The following CRIM1 variants were observed in gnomAD, a reference collection of about 807,000 sequenced individuals.
The protein encoded by CRIM1 is cysteine rich transmembrane BMP regulator 1.
CRIM1 carries 32 observed loss-of-function variants against 116.4 expected under a neutral mutation model. That is an observed-to-expected ratio of 0.27 (90% CI 0.21 to 0.37). The LOEUF is 0.37. Among genes scored for constraint, CRIM1 ranks in the 10% least tolerant of loss-of-function variants. The probability of loss-of-function intolerance (pLI) is 1.00; values close to 1 mark genes in which losing one functional copy is unlikely to be tolerated. For missense variants in CRIM1, 1,331 were observed against 1,354.8 expected (o/e 0.98, Z 0.28); for synonymous variants, 590 against 509.2 (o/e 1.16, Z -2.13).
intron 2 of CRIM1, among the ~76,000 whole-genome samples, chr2:36,424,806 ACTG>A: frequency 6.6e-6 from 1 of 152,140 alleles, no homozygotes. Flanking sequence ...TCTCACTTAC[ACTG>A]ATTTGATCTT....
chr2:36,548,171 C>G (rs942825336), intron 16 of CRIM1, among the ~76,000 whole-genome samples: 1 of 152,002 alleles, frequency 6.6e-6, no homozygotes, highest in Non-Finnish European at 1.5e-5. Context: ...TAGAAGTCAT[C>G]CCTTTGTTTT....
chr2:36,442,589 G>T (rs757136116), intron 3 of CRIM1, 26 bp from the exon 4 acceptor site: 2 of 1,613,822 alleles, frequency 1.2e-6, no homozygotes, highest in Non-Finnish European at 8.5e-7. Context: ...AACAATAAAC[G>T]GTGCCTCTCT....
At chr2:36,433,345 A>G (rs1435400635) in intron 2 of CRIM1, among the ~76,000 whole-genome samples, 2 of 152,166 alleles carry the variant, frequency 1.3e-5, no homozygotes, top group Non-Finnish European at 2.9e-5. Context: ...TTGGGAAGAA[A>G]AGATGTGTGG....
intron 2 of CRIM1, among the ~76,000 whole-genome samples, chr2:36,424,726 T>C (rs531713634): frequency 6.6e-6 from 1 of 152,224 alleles, no homozygotes; most frequent in Non-Finnish European, 1.5e-5. Context: ...GCAGTTGCCA[T>C]GCACCCTAGT....
chr2:36,450,836 T>C (rs1438284009), intron 4 of CRIM1, among the ~76,000 whole-genome samples: 1 of 152,246 alleles, frequency 6.6e-6, no homozygotes, highest in African/African-American at 2.4e-5. Context: ...AAATTCATTT[T>C]GTTGGTGCTG....
rs1665108207 is a variant in CRIM1 at position 36,517,534 on chromosome 2, A to G, written c.2198A>G (p.Gln733Arg). Residue 733 changes from glutamine to arginine, a missense_variant, in exon 12 of 17, where the codon CAG (glutamine) becomes CGG (arginine). Physicochemically the swap from Gln to Arg is conservative, Grantham distance 43 (BLOSUM62 1). This residue lies in a region of CRIM1 where 358 missense variants were observed against 436.1 expected (regional missense o/e 0.82). Coordinates refer to ENST00000280527, the MANE Select transcript of CRIM1 (RefSeq NM_016441.3). ...CGCACCCAGGATTCCTGCTGCCCAC[A>G]GTGTACAGGTAAGCGACACCATGCC... ...PSRTQDSCCP[Q>R]CTDQPFRPSL... 2 of 1,612,406 alleles carry G rather than the reference A, an allele frequency of 1.2e-6. No individual in the cohort carries two copies. The highest frequency in any genetic ancestry group is 1.3e-5 in the African/African-American group (1 of 74,882).
At chr2:36,432,447 G>A (rs1258975830) in intron 2 of CRIM1, among the ~76,000 whole-genome samples, 2 of 152,132 alleles carry the variant, frequency 1.3e-5, no homozygotes, top group Non-Finnish European at 2.9e-5. Context: ...TGAATTAACA[G>A]ATGAAATAAA....
At chr2:36,434,417 C>T (rs1675134307) in intron 2 of CRIM1, among the ~76,000 whole-genome samples, 1 of 152,232 alleles carries the variant, frequency 6.6e-6, no homozygotes. Context: ...AAAGTTGAAG[C>T]TCTTCTTGCT....
intron 13 of CRIM1, among the ~76,000 whole-genome samples, chr2:36,534,222 AAGGAAGGAGGGTG>A (rs1666331262): frequency 8.7e-6 from 1 of 115,446 alleles, no homozygotes. Flanking sequence ...AAAGATAAGG[AAGGAAGGAGGGTG>A]GGGAAGGAGG....
intron 1 of CRIM1, among the ~76,000 whole-genome samples, chr2:36,381,987 C>T (rs1670813614): frequency 6.6e-6 from 1 of 152,184 alleles, no homozygotes; most frequent in African/African-American, 2.4e-5. Context: ...CCACCTGGAC[C>T]ACACTTGGGT....
chr2:36,417,169 C>T (rs1454081868), intron 2 of CRIM1, among the ~76,000 whole-genome samples: 1 of 152,188 alleles, frequency 6.6e-6, no homozygotes, highest in Admixed American at 6.5e-5. Flanking sequence ...GACCACTTAG[C>T]TCCTGTGTCT....
At chr2:36,449,145 T>C (rs757866331) in intron 4 of CRIM1, among the ~76,000 whole-genome samples, 1 of 152,110 alleles carries the variant, frequency 6.6e-6, no homozygotes, top group Non-Finnish European at 1.5e-5. Flanking sequence ...TAATAGAATA[T>C]GTTGGACACA....
intron 4 of CRIM1, among the ~76,000 whole-genome samples, chr2:36,450,495 G>C (rs975858814): frequency 2.0e-5 from 3 of 152,126 alleles, no homozygotes; most frequent in African/African-American, 7.2e-5. Context: ...TTTATGATTG[G>C]ACCATTTCTT....
intron 1 of CRIM1, among the ~76,000 whole-genome samples, chr2:36,380,166 T>C (rs1670634056): frequency 6.6e-6 from 1 of 152,216 alleles, no homozygotes; most frequent in Non-Finnish European, 1.5e-5. Context: ...AGTCAGGTAC[T>C]CCTGTCCTCA....
intron 2 of CRIM1, among the ~76,000 whole-genome samples, chr2:36,426,713 C>G (rs1457273770): frequency 3.9e-5 from 6 of 152,164 alleles, no homozygotes; most frequent in Non-Finnish European, 1.5e-5. Context: ...TAAAGAAAAC[C>G]TGTGGTACTA....
chr2:36,365,967 C>G (rs1177375081), intron 1 of CRIM1, among the ~76,000 whole-genome samples: 2 of 152,218 alleles, frequency 1.3e-5, no homozygotes, highest in African/African-American at 4.8e-5. Context: ...ACCTCGTGAT[C>G]TGCCCACCTT....
At chr2:36,548,479 A>G in intron 16 of CRIM1, 46 bp from the exon 17 acceptor site, 1 of 1,445,552 alleles carries the variant, frequency 6.9e-7, no homozygotes. Flanking sequence ...GAGATAATGT[A>G]AAGCAACTAA....
At chr2:36,479,094 C>T (rs536463208) in intron 6 of CRIM1, among the ~76,000 whole-genome samples, 1 of 152,142 alleles carries the variant, frequency 6.6e-6, no homozygotes, top group Non-Finnish European at 1.5e-5. Flanking sequence ...TTGTTGCTTC[C>T]GCTTTACAGT....
At chr2:36,476,215 G>A (rs1678963223) in intron 5 of CRIM1, among the ~76,000 whole-genome samples, 1 of 152,076 alleles carries the variant, frequency 6.6e-6, no homozygotes, top group Non-Finnish European at 1.5e-5. Context: ...GGAGCACAAG[G>A]TTTCAGTTGA....
Sources: allele counts gnomAD v4.1 joint callset (sites outside exome capture counted in the v4.1 genomes callset), GRCh38; gene constraint gnomAD v4.1.1; regional missense constraint gnomAD v4.1.1; transcripts MANE v1.5; gene names NCBI Gene and HGNC (gene_info 2026-07-23, HGNC 2026-07-21).